GALNT9: variants seen among roughly 807,000 people sequenced by gnomAD.
The protein encoded by GALNT9 is GalNAc transferase 9.
Under a neutral mutation model 63.1 loss-of-function variants are expected in GALNT9, and 47 were observed. That is an observed-to-expected ratio of 0.75 (90% CI 0.59 to 0.95). GALNT9 has a LOEUF of 0.95. Among genes scored for constraint, GALNT9 ranks in the 40% least tolerant of loss-of-function variants. The probability of loss-of-function intolerance (pLI) is 0.00; values close to 1 mark genes in which losing one functional copy is unlikely to be tolerated. For missense variants in GALNT9, 829 were observed against 874.8 expected, an observed-to-expected ratio of 0.95 and a Z score of 0.66; for synonymous variants, 396 against 365.7, an observed-to-expected ratio of 1.08 and a Z score of -0.94.
intron 5 of GALNT9, 137 bp downstream of exon 5, chr12:132,257,552 C>T (rs561361385): frequency 1.7e-6 from 1 of 572,234 alleles, no homozygotes; most frequent in East Asian, 2.9e-5. Context: ...CCCTCGTCCC[C>T]ACGCCCTCGT....
At chr12:132,295,574 C>G (rs979355281) in intron 1 of GALNT9, among the ~76,000 whole-genome samples, 1 of 152,198 alleles carries the variant, frequency 6.6e-6, no homozygotes, top group Non-Finnish European at 1.5e-5. Flanking sequence ...GGGGCACACA[C>G]GTGAGGGTGG....
chr12:132,239,828 T>TGA, intron 6 of GALNT9, among the ~76,000 whole-genome samples: 1 of 148,614 alleles, frequency 6.7e-6, no homozygotes, highest in East Asian at 2.0e-4. Flanking sequence ...ACAGAAAGAC[T>TGA]GAGAGAGACA....
At chr12:132,323,119 G>A (rs140778467) in intron 1 of GALNT9, among the ~76,000 whole-genome samples, 13 of 152,354 alleles carry the variant, frequency 8.5e-5, no homozygotes, top group African/African-American at 2.9e-4. Flanking sequence ...CATCCTGCCC[G>A]TTTGTCCTCA....
intron 5 of GALNT9, 93 bp from the exon 6 acceptor site, chr12:132,248,120 C>T (rs1878786021): frequency 2.0e-6 from 3 of 1,468,160 alleles, no homozygotes; most frequent in Non-Finnish European, 1.8e-6. Context: ...GAAGACCCCA[C>T]CACCCCTCCC....
intron 1 of GALNT9, among the ~76,000 whole-genome samples, chr12:132,323,731 G>A (rs1868908080): frequency 2.0e-5 from 3 of 152,242 alleles, no homozygotes. Context: ...AGTCAGAGTG[G>A]GGGCTCTGGC....
At chr12:132,323,038 C>A (rs1868876262) in intron 1 of GALNT9, among the ~76,000 whole-genome samples, 1 of 152,248 alleles carries the variant, frequency 6.6e-6, no homozygotes. Context: ...CCTCCTTGTC[C>A]CTTCACAGGC....
chr12:132,197,768 G>A (rs115151331), intron 10 of GALNT9, 24 bp downstream of exon 10: 6,415 of 617,112 alleles, frequency 0.01, 208 homozygotes, highest in African/African-American at 0.089. Context: ...CCAACCCCAC[G>A]GCCCCCCTTC....
chr12:132,241,050 TC>T (rs1878301689), intron 6 of GALNT9, among the ~76,000 whole-genome samples: 1 of 128,500 alleles, frequency 7.8e-6, no homozygotes, highest in Non-Finnish European at 1.6e-5. Context: ...CCAGGGGCCC[TC>T]CCTATACCCA....
intron 6 of GALNT9, among the ~76,000 whole-genome samples, chr12:132,212,998 C>T (rs1467324626): frequency 9.5e-5 from 14 of 147,888 alleles, no homozygotes; most frequent in African/African-American, 3.0e-4. Flanking sequence ...GCCTTGAGAC[C>T]GTGACACGGA....
At chr12:132,267,792 C>G (rs1418426031) in intron 2 of GALNT9, among the ~76,000 whole-genome samples, 1 of 101,070 alleles carries the variant, frequency 9.9e-6, no homozygotes, top group African/African-American at 4.0e-5. Flanking sequence ...CACACACACG[C>G]ACTCACACGC....
At chr12:132,256,931 G>A (rs1364129399) in intron 5 of GALNT9, among the ~76,000 whole-genome samples, 17 of 152,366 alleles carry the variant, frequency 1.1e-4, no homozygotes, top group South Asian at 4.1e-4. Context: ...GCTTGCTGGC[G>A]CAGGCCAGTC....
At position 132,238,799 on chromosome 12, in the gene GALNT9, T is replaced by C. The variant is rs1299284472; in HGVS notation, c.1077+9111A>G. On this transcript the variant is annotated intron_variant, in intron 6 of 10. Coordinates refer to ENST00000328957, the MANE Select transcript of GALNT9 (RefSeq NM_001122636.2). This position sits in a 1 kb window ranked among gnomAD's most constrained non-coding sequence, Gnocchi z 6.5. ...ACCCGCCCAGGGACGTGCTACCATT[T>C]ACCTAACACACGTCTTTAAATCCAC... is the stretch of plus-strand genomic sequence containing the variant. Among the ~76,000 whole-genome samples, 4 of 152,226 alleles carry C rather than the reference T, an allele frequency of 2.6e-5. No homozygotes were observed. Among genetic ancestry groups the C allele is most frequent in the African/African-American group, 7.2e-5 (3 of 41,454 alleles).
rs898959002 is a variant in GALNT9 at position 132,219,939 on chromosome 12, C to T, written c.1078-16249G>A. On this transcript the variant is annotated intron_variant, in intron 6 of 10. Coordinates refer to ENST00000328957, the MANE Select transcript of GALNT9 (RefSeq NM_001122636.2). Reference sequence around the variant, plus strand: ...AGGGGCACCTCCCCAGGGTGACACCCGCCTGGGTAAGGGGAAGGGGCACCT... The same window carrying T: ...AGGGGCACCTCCCCAGGGTGACACCTGCCTGGGTAAGGGGAAGGGGCACCT... Among the ~76,000 whole-genome samples, 3 of 152,330 alleles carry T rather than the reference C, an allele frequency of 2.0e-5. 1 individual carries two copies. The highest frequency in any genetic ancestry group is 1.3e-4 in the Admixed American group (2 of 15,306).
chr12:132,200,214 T>G lies in GALNT9; in HGVS notation c.1401+910A>C, dbSNP rs77796675. ...GAGGACCATCCACCCCAGGGACCCT[T>G]TTCCTTGCCCCATCCGAGTGCCAGC... On this transcript the variant is annotated intron_variant, in intron 8 of 10. Transcript: ENST00000328957. Among the ~76,000 whole-genome samples, 134 of 152,230 alleles carry G rather than the reference T, an allele frequency of 8.8e-4. 1 individual carries two copies. In the East Asian group the frequency reaches 0.024, roughly 27 times the overall value.
chr12:132,199,407 C>T (rs573876053), intron 8 of GALNT9, 138 bp from the exon 9 acceptor site: 241 of 629,376 alleles, frequency 3.8e-4, no homozygotes, highest in African/African-American at 3.5e-3. Context: ...ATGCTCTGGC[C>T]GGGTGGGCTG....
Position 132,272,152 on chromosome 12 carries a change from C to A in GALNT9, c.420-9527G>T, listed in dbSNP as rs1023272931. 2.0e-5 allele frequency among the ~76,000 whole-genome samples: 3 copies of A among 152,196 alleles called. No homozygotes were observed. The South Asian group carries it at 6.2e-4, about 31-fold the overall frequency. On this transcript the variant is annotated intron_variant, in intron 2 of 10. Transcript: ENST00000328957. ...GTGGGGACAGATGCACGGCGGGGAC[C>A]CCTCTGTGGGCCACGCCTGCTCATC...
Position 132,282,412 on chromosome 12 carries a change from CGTGT to C in GALNT9, c.419+3834_419+3837del, listed in dbSNP as rs1269130517. Among the ~76,000 whole-genome samples the C allele has an allele frequency of 3.1e-3, 456 of 148,244 alleles. 2 individuals are homozygous for C. The highest frequency in any genetic ancestry group is 0.01 in the African/African-American group (425 of 41,226). ...AAAAATACGTGTGTGCGCGTGTGTG[CGTGT>C]GTGTGCGTGTGTGCGTGCATGCGTG... On this transcript the variant is annotated intron_variant, in intron 2 of 10. Transcript: ENST00000328957. The surrounding 1 kb of genome is among the most constrained non-coding windows in gnomAD (Gnocchi z 4.5).
chr12:132,318,672 C>T (rs1322803987), intron 1 of GALNT9, among the ~76,000 whole-genome samples: 1 of 152,252 alleles, frequency 6.6e-6, no homozygotes, highest in Non-Finnish European at 1.5e-5. Flanking sequence ...GCTGGGCCTG[C>T]AGCCCCGTGT....
chr12:132,223,162 CCACACAACCCACACCG>C (rs1395888716), intron 6 of GALNT9, among the ~76,000 whole-genome samples: 3 of 27,748 alleles, frequency 1.1e-4, no homozygotes, highest in East Asian at 9.6e-4. Flanking sequence ...AACCCACACA[CCACACAACCCACACCG>C]CACACAACCC....
Sources: gnomAD v4.1 joint callset for allele counts (sites outside exome capture counted in the v4.1 genomes callset) on GRCh38, gnomAD v4.1.1 for gene constraint, Gnocchi (gnomAD v3.1) non-coding constraint, MANE v1.5 for transcripts, NCBI Gene and HGNC (gene_info 2026-07-23, HGNC 2026-07-21) for gene names.